DPP10: variants seen among roughly 807,000 people sequenced by gnomAD.
DPP10 encodes inactive dipeptidyl peptidase 10.
In DPP10, 33 loss-of-function variants were observed where a neutral mutation model predicts 120.9. That is an observed-to-expected ratio of 0.27 (90% CI 0.21 to 0.37). DPP10 has a LOEUF of 0.37. DPP10 is among the 10% of genes least tolerant of loss of function. The probability of loss-of-function intolerance (pLI) is 1.00; values close to 1 mark genes in which losing one functional copy is unlikely to be tolerated. For synonymous variants in DPP10, 337 were observed against 326.1 expected, an observed-to-expected ratio of 1.03 and a Z score of -0.36; for missense variants, 816 against 942.8, an observed-to-expected ratio of 0.87 and a Z score of 1.76.
At chr2:114,613,009 C>G (rs1319626049) in intron 1 of DPP10, among the ~76,000 whole-genome samples, 2 of 152,094 alleles carry the variant, frequency 1.3e-5, no homozygotes, top group African/African-American at 4.8e-5. Flanking sequence ...ACCCAAATAT[C>G]TAATCACTAA....
At chr2:114,961,719 C>T (rs562118840) in intron 1 of DPP10, among the ~76,000 whole-genome samples, 5 of 152,048 alleles carry the variant, frequency 3.3e-5, no homozygotes, top group East Asian at 3.9e-4. Flanking sequence ...CTCAGGAGGC[C>T]GAGGTGGGCG....
intron 1 of DPP10, among the ~76,000 whole-genome samples, chr2:115,076,939 G>A (rs1294102808): frequency 2.0e-5 from 3 of 152,190 alleles, no homozygotes; most frequent in African/African-American, 7.2e-5. Flanking sequence ...CAAAGTGGTT[G>A]TACAAATTTA....
chr2:115,801,940 G>A (rs1559172643), intron 19 of DPP10, among the ~76,000 whole-genome samples: 2 of 152,088 alleles, frequency 1.3e-5, no homozygotes, highest in Non-Finnish European at 2.9e-5. Flanking sequence ...GGATGATGCT[G>A]GCCTCATAAA....
rs1443341661 is a variant in DPP10, at chr2:114,725,212, AT to A, written c.60+282375del. ...AAGTAAACTCTTCCATTAAAATTAT[AT>A]CTGATGCCTCAGCTTCTTTCTTTAG... On this transcript the variant is annotated intron_variant, in intron 1 of 25. Coordinates refer to ENST00000410059, the MANE Select transcript of DPP10 (RefSeq NM_020868.6). Among the ~76,000 whole-genome samples the A allele has an allele frequency of 2.0e-5, 3 of 152,300 alleles. No individual in the cohort carries two copies. The East Asian group carries it at 5.8e-4, about 29-fold the overall frequency.
At chr2:114,908,793 CTTGA>C (rs1204124833) in intron 1 of DPP10, among the ~76,000 whole-genome samples, 3 of 151,502 alleles carry the variant, frequency 2.0e-5, no homozygotes, top group South Asian at 4.2e-4. Flanking sequence ...AATTATCTTG[CTTGA>C]TTATTTTTTC....
chr2:115,503,788 G>C (rs2076806196), intron 4 of DPP10, among the ~76,000 whole-genome samples: 1 of 152,032 alleles, frequency 6.6e-6, no homozygotes, highest in Non-Finnish European at 1.5e-5. Flanking sequence ...TTTGCTCCCA[G>C]GAGACATTTG....
At chr2:114,705,851 G>T (rs943892100) in intron 1 of DPP10, among the ~76,000 whole-genome samples, 1 of 152,148 alleles carries the variant, frequency 6.6e-6, no homozygotes, top group Admixed American at 6.6e-5. Context: ...TCAGGTGTGG[G>T]TTGATCATGG....
intron 21 of DPP10, among the ~76,000 whole-genome samples, chr2:115,819,577 T>C (rs2150054465): frequency 6.6e-6 from 1 of 152,336 alleles, no homozygotes; most frequent in Non-Finnish European, 1.5e-5. Flanking sequence ...TATTTATCTT[T>C]GATTTTACTT....
At chr2:114,548,208 C>T (rs1367609667) in intron 1 of DPP10, among the ~76,000 whole-genome samples, 1 of 152,168 alleles carries the variant, frequency 6.6e-6, no homozygotes, top group African/African-American at 2.4e-5. Context: ...TGATTCATCT[C>T]TATGGAGAAA....
intron 1 of DPP10, among the ~76,000 whole-genome samples, chr2:115,079,313 G>C (rs1367403479): frequency 6.6e-6 from 1 of 151,652 alleles, no homozygotes; most frequent in Non-Finnish European, 1.5e-5. Context: ...CCGGGAGGCG[G>C]AGCTTGCAGT....
intron 1 of DPP10, among the ~76,000 whole-genome samples, chr2:114,877,979 AG>A (rs1470311959): frequency 7.2e-5 from 11 of 152,212 alleles, no homozygotes; most frequent in African/African-American, 2.6e-4. Context: ...TGGAGAAAGA[AG>A]GCTGCTGGGA....
intron 3 of DPP10, among the ~76,000 whole-genome samples, chr2:115,352,241 C>G (rs2106309030): frequency 6.6e-6 from 1 of 152,002 alleles, no homozygotes; most frequent in Middle Eastern, 3.4e-3. Flanking sequence ...AAATATAAAA[C>G]TATATTTTGA....
intron 1 of DPP10, among the ~76,000 whole-genome samples, chr2:115,268,256 G>A (rs1574233182): frequency 1.3e-5 from 2 of 152,070 alleles, no homozygotes; most frequent in South Asian, 4.1e-4. Context: ...TAGGTGGGCA[G>A]TAATAGCTGC....
chr2:115,568,553 CTTTTTTTTTTTGTATTTTTAAAG>C (rs2081155774), intron 5 of DPP10, among the ~76,000 whole-genome samples: 1 of 147,720 alleles, frequency 6.8e-6, no homozygotes, highest in Non-Finnish European at 1.5e-5. Context: ...TGAGGTTGAT[CTTTTTTTTTTTGTATTTTTAAAG>C]TTCATTTTTT....
chr2:115,731,712 A>G (rs757832326), intron 8 of DPP10, among the ~76,000 whole-genome samples: 1 of 152,126 alleles, frequency 6.6e-6, no homozygotes, highest in Non-Finnish European at 1.5e-5. Context: ...CCAAGACACA[A>G]CACACGTTTT....
intron 1 of DPP10, among the ~76,000 whole-genome samples, chr2:114,894,440 T>C (rs1447572284): frequency 6.6e-6 from 1 of 152,216 alleles, no homozygotes; most frequent in African/African-American, 2.4e-5. Flanking sequence ...AAGGTTTGCC[T>C]ATTCCGTTCA....
At chr2:115,192,767 CAT>C (rs1241691713) in intron 1 of DPP10, among the ~76,000 whole-genome samples, 1 of 151,944 alleles carries the variant, frequency 6.6e-6, no homozygotes, top group African/African-American at 2.4e-5. Context: ...CTGACCATAA[CAT>C]AAGATTTTTA....
intron 1 of DPP10, among the ~76,000 whole-genome samples, chr2:115,231,501 C>T (rs1026845654): frequency 6.6e-6 from 1 of 152,010 alleles, no homozygotes; most frequent in Admixed American, 6.6e-5. Context: ...TAGAAGGGGT[C>T]TTAGAAGTCA....
At chr2:114,501,831 GC>G (rs1683209825) in intron 1 of DPP10, among the ~76,000 whole-genome samples, 1 of 151,882 alleles carries the variant, frequency 6.6e-6, no homozygotes, top group Non-Finnish European at 1.5e-5. Context: ...CAGTCCTAAA[GC>G]ATAGTGGGAA....
Sources: allele counts gnomAD v4.1 joint callset (sites outside exome capture counted in the v4.1 genomes callset), GRCh38; gene constraint gnomAD v4.1.1; transcripts MANE v1.5; gene names NCBI Gene and HGNC (gene_info 2026-07-23, HGNC 2026-07-21).